The following OLFML2B variants were observed in gnomAD, a reference collection of about 807,000 sequenced individuals.
OLFML2B encodes the protein olfactomedin like 2B.
Under a neutral mutation model 74.9 loss-of-function variants are expected in OLFML2B, and 57 were observed. The observed-to-expected ratio is 0.76, with a 90% CI of 0.61 to 0.95. OLFML2B has a LOEUF of 0.95. Among genes scored for constraint, OLFML2B ranks in the 40% least tolerant of loss-of-function variants. The pLI, the probability that OLFML2B is intolerant of heterozygous loss-of-function variation, is 0.00. For missense variants in OLFML2B, 986 were observed against 970.6 expected (o/e 1.02, Z -0.21); for synonymous variants, 388 against 405.8 (o/e 0.96, Z 0.53).
At chr1:161,999,226 T>C (rs1334597727) in intron 5 of OLFML2B, among the ~76,000 whole-genome samples, 1 of 152,070 alleles carries the variant, frequency 6.6e-6, no homozygotes, top group Non-Finnish European at 1.5e-5. Context: ...AAGAAATAAT[T>C]GGTAAAGTAG....
chr1:161,990,850 A>G (rs1471255231), intron 6 of OLFML2B, among the ~76,000 whole-genome samples: 1 of 152,224 alleles, frequency 6.6e-6, no homozygotes, highest in Non-Finnish European at 1.5e-5. Context: ...TTATCAACTA[A>G]GTTTATGTAA....
rs746665930 is a variant in OLFML2B, at chr1:161,998,095, G to A, written c.1204C>T (p.Pro402Ser). The change falls in exon 6 of 8, where the codon CCA becomes TCA. Residue 402 changes from proline (P) to serine (S), a missense_variant. Pro to Ser is a moderately conservative substitution (Grantham distance 74). Transcript: ENST00000294794. ...GPTLQTTSVS[P>S]DPTRESVLQP... Reference sequence around the variant, plus strand: ...AGGACTGACTCCCTTGTGGGATCTGGAGACACCGAGGTTGTTTGGAGTGTT... The same window carrying A: ...AGGACTGACTCCCTTGTGGGATCTGAAGACACCGAGGTTGTTTGGAGTGTT... 1 of 1,613,986 alleles carries A rather than the reference G, an allele frequency of 6.2e-7. No individual in the cohort carries two copies. The highest frequency in any genetic ancestry group is 8.5e-7 in the Non-Finnish European group (1 of 1,180,026).
intron 5 of OLFML2B, among the ~76,000 whole-genome samples, chr1:161,998,615 G>A (rs187079481): frequency 3.5e-5 from 5 of 142,598 alleles, no homozygotes; most frequent in Middle Eastern, 3.4e-3. Context: ...GCATAGTCAT[G>A]GGTCCTGAAC....
chr1:162,012,631 G>A (rs1690424537), intron 3 of OLFML2B, among the ~76,000 whole-genome samples: 1 of 152,198 alleles, frequency 6.6e-6, no homozygotes, highest in Non-Finnish European at 1.5e-5. Context: ...TCGTGAAAAA[G>A]GAAAGAGATA....
intron 6 of OLFML2B, among the ~76,000 whole-genome samples, chr1:161,987,562 C>A (rs556500858): frequency 6.6e-6 from 1 of 152,308 alleles, no homozygotes; most frequent in South Asian, 2.1e-4. Flanking sequence ...GAAACGGATT[C>A]TCCCCTCAAG....
At chr1:162,004,071 T>A (rs959884959) in intron 4 of OLFML2B, among the ~76,000 whole-genome samples, 1 of 152,190 alleles carries the variant, frequency 6.6e-6, no homozygotes, top group Non-Finnish European at 1.5e-5. Context: ...TTCCCGAACA[T>A]ACCACATAAT....
At position 161,983,502 on chromosome 1, in the gene OLFML2B, T is replaced by G; in HGVS notation, c.*173A>C. The G allele has an allele frequency of 3.0e-6, 2 of 660,066 alleles. No individual in the cohort carries two copies. The highest frequency in any genetic ancestry group is 2.8e-5 in the East Asian group (1 of 35,174). 40.9% of individuals were successfully genotyped at this position (660,066 alleles called of 1,614,324 possible). ...ACCAGCACATACACGTATGGATTGA[T>G]CTACAATCCATATAAAAAAATAGAC... On this transcript the variant is annotated 3_prime_UTR_variant, in exon 8 of 8. Coordinates refer to ENST00000294794, the MANE Select transcript of OLFML2B (RefSeq NM_015441.3).
rs147490167 is a variant in OLFML2B at position 162,007,709 on chromosome 1, A to G, written c.547-1236T>C. 3.4e-3 allele frequency among the ~76,000 whole-genome samples: 520 copies of G among 152,348 alleles called. 2 individuals are homozygous for G. The highest frequency in any genetic ancestry group is 0.012 in the African/African-American group (501 of 41,584). Reference sequence around the variant, plus strand: ...TCCTAGAGGGAAGTCCCAGTAGTGCAGAGCCAGAGGAGGTGGGCATATCCA... The same window carrying G: ...TCCTAGAGGGAAGTCCCAGTAGTGCGGAGCCAGAGGAGGTGGGCATATCCA... On this transcript the variant is annotated intron_variant, in intron 3 of 7. Coordinates refer to ENST00000294794, the MANE Select transcript of OLFML2B (RefSeq NM_015441.3).
At chr1:162,012,426 G>A (rs564280682) in intron 3 of OLFML2B, among the ~76,000 whole-genome samples, 4 of 152,246 alleles carry the variant, frequency 2.6e-5, no homozygotes, top group Non-Finnish European at 5.9e-5. Context: ...CTTTAGGTGT[G>A]GGGGAGAAGC....
chr1:162,023,321 A>C lies in OLFML2B; in HGVS notation c.110T>G (p.Val37Gly), dbSNP rs773306688. 6.2e-7 allele frequency: 1 copy of C among 1,607,116 alleles called. No individual in the cohort carries two copies. The highest frequency in any genetic ancestry group is 8.5e-7 in the Non-Finnish European group (1 of 1,175,700). ...GTSEPPDAQT[V>G]APAEDETLQN... ...CAGAGTCTCGTCCTCCGCAGGCGCCACTGTCTGCGCATCTGGGGGCTCGCT... is the reference window on the plus strand; with the variant it reads ...CAGAGTCTCGTCCTCCGCAGGCGCCCCTGTCTGCGCATCTGGGGGCTCGCT... The change falls in exon 1 of 8, where the codon GTG becomes GGG. Residue 37 changes from valine to glycine, a missense_variant. Coordinates refer to ENST00000294794, the MANE Select transcript of OLFML2B (RefSeq NM_015441.3).
At chr1:162,000,008 G>A (rs909351668) in intron 5 of OLFML2B, 105 bp downstream of exon 5, 2 of 817,330 alleles carry the variant, frequency 2.4e-6, no homozygotes, top group Non-Finnish European at 4.0e-6. Context: ...TTGGAATGCT[G>A]TGTATGGAGG....
intron 1 of OLFML2B, among the ~76,000 whole-genome samples, 159 bp from the exon 2 acceptor site, chr1:162,020,341 T>A (rs903399194): frequency 6.6e-6 from 1 of 152,230 alleles, no homozygotes; most frequent in Non-Finnish European, 1.5e-5. Flanking sequence ...TGCAGTTTGC[T>A]GACTCTGACA....
Position 162,000,466 on chromosome 1 carries a change from C to T in OLFML2B, c.724-128G>A, listed in dbSNP as rs937431361. On this transcript the variant is annotated intron_variant, in intron 4 of 7. Transcript: ENST00000294794. ...CACTTCCGAAGAGCCAGGCACTGTT[C>T]TAAGTGCTTTATACATTTACATATG... 25 of 650,228 alleles carry T rather than the reference C, an allele frequency of 3.8e-5. No individual in the cohort carries two copies. The African/African-American group carries it at 4.8e-4, about 12-fold the overall frequency. The allele number at this position is 650,228 out of a possible 1,614,324, so 40.3% of individuals were successfully genotyped here.
chr1:161,985,049 G>A (rs1418642660), intron 6 of OLFML2B, 69 bp from the exon 7 acceptor site: 23 of 1,477,980 alleles, frequency 1.6e-5, no homozygotes, highest in East Asian at 2.4e-5. Context: ...AACCTTTGCT[G>A]TTCATCCATT....
chr1:162,022,260 T>TTTTC (rs1553251581), intron 1 of OLFML2B, among the ~76,000 whole-genome samples: 4 of 127,826 alleles, frequency 3.1e-5, no homozygotes, highest in African/African-American at 9.6e-5. Context: ...TTTTTTTTTT[T>TTTTC]TTTTTTTTGA....
rs1026880148 is a variant in OLFML2B, at chr1:161,983,226, G to C, written c.*449C>G. ...ATTTCTTCTTTATTAAAAAAAAAAA[G>C]CGTTTTTCTGGGTTTTTTAAAACTT... On this transcript the variant is annotated 3_prime_UTR_variant, in exon 8 of 8. Transcript: ENST00000294794. 2 of 144,158 alleles carry C rather than the reference G, an allele frequency of 1.4e-5. No individual in the cohort carries two copies. Among genetic ancestry groups the C allele is most frequent in the African/African-American group, 5.3e-5 (2 of 37,442 alleles). The allele number at this position is 144,158 out of a possible 1,614,324, so 8.9% of individuals were successfully genotyped here.
rs1410145916 is a variant in OLFML2B, at chr1:161,984,060, G to A, written c.1868C>T (p.Ala623Val). The change falls in exon 8 of 8, where the codon GCT (alanine) becomes GTT (valine). Residue 623 changes from alanine to valine, a missense_variant. Transcript: ENST00000294794. Reference protein sequence around the residue: ...RWQGHSDVDFAVDENGLWLIY... With the variant: ...RWQGHSDVDFVVDENGLWLIY... Reference sequence around the variant, plus strand: ...GAGCCATAGGCCATTCTCGTCCACAGCAAAGTCCACGTCTGAGTGGCCCTG... The same window carrying A: ...GAGCCATAGGCCATTCTCGTCCACAACAAAGTCCACGTCTGAGTGGCCCTG... 5.6e-6 allele frequency: 9 copies of A among 1,614,008 alleles called. No homozygotes were observed. The South Asian group carries it at 9.9e-5, about 18-fold the overall frequency.
At chr1:161,995,399 G>T (rs1449218377) in intron 6 of OLFML2B, among the ~76,000 whole-genome samples, 3 of 152,200 alleles carry the variant, frequency 2.0e-5, no homozygotes, top group Non-Finnish European at 2.9e-5. Context: ...GCATGATGAT[G>T]CTATTCTAGT....
chr1:162,001,846 A>G (rs1423166250), intron 4 of OLFML2B, among the ~76,000 whole-genome samples: 1 of 152,216 alleles, frequency 6.6e-6, no homozygotes, highest in Non-Finnish European at 1.5e-5. Context: ...AACAAATCCC[A>G]AGGAATCATC....
Sources: gnomAD v4.1 joint callset for allele counts (sites outside exome capture counted in the v4.1 genomes callset) on GRCh38, gnomAD v4.1.1 for gene constraint, MANE v1.5 for transcripts, NCBI Gene and HGNC (gene_info 2026-07-23, HGNC 2026-07-21) for gene names.